The following KIAA0825 variants were observed in gnomAD, a reference collection of about 807,000 sequenced individuals.
The protein encoded by KIAA0825 is uncharacterized protein KIAA0825.
KIAA0825 carries 119 observed loss-of-function variants against 147.6 expected under a neutral mutation model. That is an observed-to-expected ratio of 0.81 (90% CI 0.69 to 0.94). The LOEUF (loss-of-function observed/expected upper bound fraction) is 0.94, where lower values mean the gene tolerates loss of function less well. Ranked by LOEUF, KIAA0825 falls within the 40% of genes least tolerant of loss-of-function variation. The pLI is 0.00. For synonymous variants in KIAA0825, 470 were observed against 518.1 expected (o/e 0.91, Z 1.26); for missense variants, 1,381 against 1,472.7 (o/e 0.94, Z 1.02).
chr5:94,516,782 T>C (rs921458484), intron 5 of KIAA0825, among the ~76,000 whole-genome samples: 1 of 106,408 alleles, frequency 9.4e-6, no homozygotes, highest in South Asian at 2.9e-4. Context: ...AGAACGAGAC[T>C]CCGTCTCAAA....
intron 5 of KIAA0825, among the ~76,000 whole-genome samples, chr5:94,501,052 G>A (rs1715264670): frequency 6.6e-6 from 1 of 152,194 alleles, no homozygotes; most frequent in East Asian, 1.9e-4. Context: ...CACTGCACCC[G>A]CCTCTTTCAC....
chr5:94,585,665 G>A (rs950610756), intron 1 of KIAA0825, among the ~76,000 whole-genome samples: 1 of 152,130 alleles, frequency 6.6e-6, no homozygotes, highest in African/African-American at 2.4e-5. Context: ...TCCAGGACTT[G>A]AACTCAGCTC....
chr5:94,385,523 G>C (rs747819132), intron 19 of KIAA0825, among the ~76,000 whole-genome samples: 33 of 152,188 alleles, frequency 2.2e-4, no homozygotes, highest in Non-Finnish European at 4.0e-4. Flanking sequence ...TGCCCTGTTA[G>C]TTCAAATTGT....
chr5:94,260,122 C>T (rs1349443288), intron 20 of KIAA0825, among the ~76,000 whole-genome samples: 1 of 152,044 alleles, frequency 6.6e-6, no homozygotes, highest in Non-Finnish European at 1.5e-5. Context: ...ATATATCCCA[C>T]CAGGACTACT....
intron 18 of KIAA0825, among the ~76,000 whole-genome samples, chr5:94,388,939 C>T (rs1198216144): frequency 6.6e-6 from 1 of 152,216 alleles, no homozygotes; most frequent in African/African-American, 2.4e-5. Context: ...AACTACCACA[C>T]TCATATATAG....
At chr5:94,429,029 T>A (rs1157187491) in intron 14 of KIAA0825, among the ~76,000 whole-genome samples, 1 of 152,202 alleles carries the variant, frequency 6.6e-6, no homozygotes, top group Admixed American at 6.5e-5. Flanking sequence ...TAAATGAGAT[T>A]TTCAATTCCA....
At chr5:94,236,771 C>A (rs1775064866) in intron 20 of KIAA0825, among the ~76,000 whole-genome samples, 1 of 152,196 alleles carries the variant, frequency 6.6e-6, no homozygotes, top group Non-Finnish European at 1.5e-5. Flanking sequence ...AACTTCGAGA[C>A]AAGACTCTAC....
At chr5:94,238,339 T>C (rs1293136244) in intron 20 of KIAA0825, among the ~76,000 whole-genome samples, 1 of 152,212 alleles carries the variant, frequency 6.6e-6, no homozygotes, top group Non-Finnish European at 1.5e-5. Context: ...ACTGAAAATT[T>C]ATATTAACAA....
intron 5 of KIAA0825, among the ~76,000 whole-genome samples, chr5:94,489,793 T>C (rs377473473): frequency 6.8e-6 from 1 of 147,744 alleles, no homozygotes; most frequent in African/African-American, 2.5e-5. Flanking sequence ...GGCTGAGGCA[T>C]GAGAATCACT....
intron 20 of KIAA0825, among the ~76,000 whole-genome samples, chr5:94,202,474 C>A (rs1185580006): frequency 6.6e-6 from 1 of 152,144 alleles, no homozygotes; most frequent in African/African-American, 2.4e-5. Flanking sequence ...GGGTGGTGAT[C>A]TCTGCCAATG....
chr5:94,434,121 C>G (rs1756042602), intron 14 of KIAA0825, among the ~76,000 whole-genome samples: 1 of 152,164 alleles, frequency 6.6e-6, no homozygotes, highest in Non-Finnish European at 1.5e-5. Context: ...TTAAGATGAC[C>G]TAACTTAAAA....
rs1584936962 is a variant in KIAA0825, at chr5:94,574,536, T to C, written c.-2+7897A>G. Among the ~76,000 whole-genome samples, 4 of 83,536 alleles carry C rather than the reference T, an allele frequency of 4.8e-5. No homozygotes were observed. The South Asian group carries it at 1.5e-3, about 32-fold the overall frequency. The allele number at this position is 83,536 out of a possible 152,430, so 54.8% of individuals were successfully genotyped here. On this transcript the variant is annotated intron_variant, in intron 2 of 20. Transcript: ENST00000682413. ...TCCAGCCAGGGTGACAGTGTAAGAC[T>C]CCATCTCAAAAAAAAAAAAAAAAAA...
intron 20 of KIAA0825, among the ~76,000 whole-genome samples, chr5:94,218,393 G>C (rs1773387272): frequency 6.6e-6 from 1 of 152,088 alleles, no homozygotes; most frequent in African/African-American, 2.4e-5. Flanking sequence ...GACTTCACAG[G>C]CTGGGTTAGG....
At chr5:94,341,198 A>G (rs754841055) in intron 20 of KIAA0825, among the ~76,000 whole-genome samples, 3 of 152,238 alleles carry the variant, frequency 2.0e-5, no homozygotes, top group Non-Finnish European at 4.4e-5. Context: ...TTCTTCTAAT[A>G]TACTATGTAA....
chr5:94,474,073 G>T (rs1368117312), intron 7 of KIAA0825, among the ~76,000 whole-genome samples: 1 of 152,034 alleles, frequency 6.6e-6, no homozygotes, highest in Non-Finnish European at 1.5e-5. Context: ...ATTTTTACTT[G>T]CTTAGAATTT....
At chr5:94,227,494 A>T (rs1162656547) in intron 20 of KIAA0825, among the ~76,000 whole-genome samples, 1 of 151,834 alleles carries the variant, frequency 6.6e-6, no homozygotes, top group Non-Finnish European at 1.5e-5. Context: ...ACATGTATAC[A>T]TATGTAACTA....
intron 20 of KIAA0825, among the ~76,000 whole-genome samples, chr5:94,225,373 G>C (rs533641912): frequency 7.2e-5 from 11 of 152,270 alleles, no homozygotes; most frequent in African/African-American, 2.6e-4. Context: ...ACTACTTCTG[G>C]TTTGACCAGG....
intron 20 of KIAA0825, among the ~76,000 whole-genome samples, chr5:94,172,425 C>T (rs1302861141): frequency 1.3e-5 from 2 of 152,206 alleles, no homozygotes; most frequent in African/African-American, 4.8e-5. Context: ...GCAGAGAGAT[C>T]TCATAGACTA....
chr5:94,409,856 C>T (rs1299746570), intron 15 of KIAA0825, among the ~76,000 whole-genome samples: 1 of 152,070 alleles, frequency 6.6e-6, no homozygotes, highest in East Asian at 1.9e-4. Flanking sequence ...CAAGGTGATA[C>T]ACAAGTAACA....
Sources: gnomAD v4.1 joint callset for allele counts (sites outside exome capture counted in the v4.1 genomes callset) on GRCh38, gnomAD v4.1.1 for gene constraint, MANE v1.5 for transcripts, NCBI Gene and HGNC (gene_info 2026-07-23, HGNC 2026-07-21) for gene names.